RIMBP2: variants seen among roughly 807,000 people sequenced by gnomAD.
RIMBP2 encodes RIMS-binding protein 2.
Under a neutral mutation model 118.6 loss-of-function variants are expected in RIMBP2, and 48 were observed. The observed-to-expected ratio is 0.40, with a 90% CI of 0.32 to 0.51. RIMBP2 has a LOEUF of 0.51. Ranked by LOEUF, RIMBP2 falls within the 20% of genes least tolerant of loss-of-function variation. The pLI is 0.41. For synonymous variants in RIMBP2, 762 were observed against 742.9 expected, an observed-to-expected ratio of 1.03 and a Z score of -0.42; for missense variants, 1,551 against 1,768.3, an observed-to-expected ratio of 0.88 and a Z score of 2.20.
chr12:130,560,675 C>T (rs1487412131), intron 2 of RIMBP2, among the ~76,000 whole-genome samples: 1 of 152,234 alleles, frequency 6.6e-6, no homozygotes, highest in Non-Finnish European at 1.5e-5. Flanking sequence ...AGAGCAGCTC[C>T]TCAATCGCAT....
At position 130,422,643 on chromosome 12, in the gene RIMBP2, G is replaced by A; in HGVS notation, c.3130-82C>T. On this transcript the variant is annotated intron_variant, in intron 16 of 22. Transcript: ENST00000690449. The surrounding 1 kb of genome is among the most constrained non-coding windows in gnomAD (Gnocchi z 5.2). ...TTCAGTTAGCCAAATCAAGCGGGTT[G>A]AAAAGCAGAATCTGTAAAGGCAACT... The A allele has an allele frequency of 1.0e-6, 1 of 990,008 alleles. No homozygotes were observed. Among genetic ancestry groups the A allele is most frequent in the Non-Finnish European group, 1.5e-6 (1 of 650,652 alleles). 61.3% of individuals were successfully genotyped at this position (990,008 alleles called of 1,614,324 possible).
intron 2 of RIMBP2, among the ~76,000 whole-genome samples, chr12:130,580,123 G>A (rs963867031): frequency 1.1e-4 from 16 of 151,128 alleles, no homozygotes; most frequent in African/African-American, 3.4e-4. Context: ...ACTTGAACCC[G>A]GGAGACAGAG....
chr12:130,663,727 C>T (rs1274491459), intron 1 of RIMBP2, among the ~76,000 whole-genome samples: 2 of 151,746 alleles, frequency 1.3e-5, no homozygotes, highest in Non-Finnish European at 2.9e-5. Context: ...CGGAACTTCC[C>T]GCTGGGTACT....
chr12:130,402,424 C>G (rs1334293689), intron 21 of RIMBP2, among the ~76,000 whole-genome samples: 1 of 152,144 alleles, frequency 6.6e-6, no homozygotes, highest in African/African-American at 2.4e-5. Context: ...CTGCCTTCCC[C>G]TGGTACTGAC....
chr12:130,557,659 C>T (rs1388202925), intron 2 of RIMBP2, among the ~76,000 whole-genome samples: 2 of 152,180 alleles, frequency 1.3e-5, no homozygotes, highest in Admixed American at 6.5e-5. Context: ...TTGAAGCCAC[C>T]GAGTTGCTGT....
intron 6 of RIMBP2, among the ~76,000 whole-genome samples, chr12:130,460,368 G>A (rs758981401): frequency 1.3e-5 from 2 of 152,166 alleles, no homozygotes; most frequent in East Asian, 3.9e-4. Flanking sequence ...TGGTATTGAT[G>A]AGCAGTACTA....
rs2097266017 is a variant in RIMBP2, at chr12:130,623,631, C to A, written c.-217+4691G>T. Among the ~76,000 whole-genome samples, 1 of 152,188 alleles carries A rather than the reference C, an allele frequency of 6.6e-6. No homozygotes were observed. Among genetic ancestry groups the A allele is most frequent in the Non-Finnish European group, 1.5e-5 (1 of 68,034 alleles). On this transcript the variant is annotated intron_variant, in intron 2 of 22. Coordinates refer to ENST00000690449, the MANE Select transcript of RIMBP2 (RefSeq NM_001393629.1). This position sits in a 1 kb window ranked among gnomAD's most constrained non-coding sequence, Gnocchi z 4.1. Reference sequence around the variant, plus strand: ...GTGGGCATAAGCTGCCTCCCATAACCTCTTAGCGCTCAACTCCATGCACAC... The same window carrying A: ...GTGGGCATAAGCTGCCTCCCATAACATCTTAGCGCTCAACTCCATGCACAC...
intron 11 of RIMBP2, among the ~76,000 whole-genome samples, chr12:130,439,062 A>G (rs1228471423): frequency 6.6e-6 from 1 of 151,794 alleles, no homozygotes; most frequent in Non-Finnish European, 1.5e-5. Flanking sequence ...ACCCCATGAA[A>G]CTGAGCAAAA....
chr12:130,437,037 C>T lies in RIMBP2; in HGVS notation c.1911G>A (p.Arg637=). ...GGCTCTGCTCCCAGGCCTCATCCAT[C>T]CTGGCGTGGGGACCCAGGTGCTCGT... ...TKDEHLGPHA[R]MDEAWEQSRA... The change falls in exon 13 of 23, where the codon AGG becomes AGA. Residue 637 remains arginine, a synonymous_variant. Transcript: ENST00000690449. 1 of 1,580,610 alleles carries T rather than the reference C, an allele frequency of 6.3e-7. No individual in the cohort carries two copies. Among genetic ancestry groups the T allele is most frequent in the Non-Finnish European group, 8.6e-7 (1 of 1,160,890 alleles).
rs1344003075 is a variant in RIMBP2 at position 130,691,701 on chromosome 12, G to T, written c.-352+24521C>A. Among the ~76,000 whole-genome samples, 4 of 152,298 alleles carry T rather than the reference G, an allele frequency of 2.6e-5. No individual in the cohort carries two copies. In the South Asian group the frequency reaches 8.3e-4, roughly 32 times the overall value. On this transcript the variant is annotated intron_variant, in intron 1 of 22. Transcript: ENST00000690449. ...AAAGAAGAAGCGGGTACCACAGGGAGCCCCACCCAGCTCTTGGGGGAGAAA... is the reference window on the plus strand; with the variant it reads ...AAAGAAGAAGCGGGTACCACAGGGATCCCCACCCAGCTCTTGGGGGAGAAA...
At chr12:130,548,816 A>G (rs1464176659) in intron 2 of RIMBP2, among the ~76,000 whole-genome samples, 2 of 151,434 alleles carry the variant, frequency 1.3e-5, no homozygotes, top group East Asian at 3.9e-4. Flanking sequence ...CCATGGTCCC[A>G]TGGGGTCCCC....
rs772559491 is a variant in RIMBP2 at position 130,406,224 on chromosome 12, G to A, written c.3713C>T (p.Thr1238Ile). Residue 1238 changes from threonine (T) to isoleucine (I), a missense_variant, in exon 21 of 23, where the codon ACA becomes ATA. Coordinates refer to ENST00000690449, the MANE Select transcript of RIMBP2 (RefSeq NM_001393629.1). ...ACCAAAAACTGTAATAATATCTCCTGTGCAAAATGTAAGTTCGGCCTGTGG... is the reference window on the plus strand; with the variant it reads ...ACCAAAAACTGTAATAATATCTCCTATGCAAAATGTAAGTTCGGCCTGTGG... The part of the protein sequence containing the change: ...VDVEAELTFC[T>I]GDIITVFGEI... 2 of 1,603,546 alleles carry A rather than the reference G, an allele frequency of 1.2e-6. No individual in the cohort carries two copies. Among genetic ancestry groups the A allele is most frequent in the Non-Finnish European group, 1.7e-6 (2 of 1,172,610 alleles).
chr12:130,496,510 A>G (rs1231143127), intron 4 of RIMBP2, among the ~76,000 whole-genome samples: 1 of 152,104 alleles, frequency 6.6e-6, no homozygotes, highest in Non-Finnish European at 1.5e-5. Flanking sequence ...TCTGGGGTAG[A>G]GGAGGCTGCG....
intron 15 of RIMBP2, chr12:130,425,097 C>T (rs1282522413): frequency 1.6e-5 from 6 of 374,856 alleles, no homozygotes; most frequent in Non-Finnish European, 2.4e-5. Flanking sequence ...GCCAGCGGGC[C>T]GGGCAGGAGC....
intron 1 of RIMBP2, among the ~76,000 whole-genome samples, chr12:130,663,180 G>T (rs907010341): frequency 1.3e-5 from 2 of 152,142 alleles, no homozygotes; most frequent in Admixed American, 6.5e-5. Context: ...GGAGGGCTGG[G>T]ATGACTGATG....
rs902345318 is a variant in RIMBP2 at position 130,424,973 on chromosome 12, G to A, written c.2413-115C>T. 23 of 546,236 alleles carry A rather than the reference G, an allele frequency of 4.2e-5. No homozygotes were observed. The highest frequency in any genetic ancestry group is 1.0e-4 in the South Asian group (1 of 10,034). The allele number at this position is 546,236 out of a possible 1,614,324, so 33.8% of individuals were successfully genotyped here. On this transcript the variant is annotated intron_variant, in intron 15 of 22. Coordinates refer to ENST00000690449, the MANE Select transcript of RIMBP2 (RefSeq NM_001393629.1). The surrounding 1 kb of genome is among the most constrained non-coding windows in gnomAD (Gnocchi z 9.8). ...GAATTAGTCCTGGAGGCACCGAGGG[G>A]GGGGAAGCATGCGTCTACTCAGGCC...
At chr12:130,438,648 G>A (rs968330071) in intron 11 of RIMBP2, 132 bp from the exon 12 acceptor site, 7 of 400,350 alleles carry the variant, frequency 1.7e-5, no homozygotes, top group Non-Finnish European at 3.1e-5. Flanking sequence ...AGAAGACAGT[G>A]TTGAAAGCAC....
At chr12:130,615,096 A>G (rs2060817774) in intron 2 of RIMBP2, among the ~76,000 whole-genome samples, 1 of 147,512 alleles carries the variant, frequency 6.8e-6, no homozygotes, top group Admixed American at 6.8e-5. Context: ...ATGTGTATAT[A>G]TGTGTATTAT....
chr12:130,478,728 C>T (rs2081663410), intron 5 of RIMBP2, among the ~76,000 whole-genome samples, 184 bp downstream of exon 5: 1 of 152,190 alleles, frequency 6.6e-6, no homozygotes. Context: ...AACATGAACA[C>T]AGGTCTACTT....
Sources: allele counts gnomAD v4.1 joint callset (sites outside exome capture counted in the v4.1 genomes callset), GRCh38; gene constraint gnomAD v4.1.1; non-coding constraint Gnocchi (gnomAD v3.1); transcripts MANE v1.5; gene names NCBI Gene and HGNC (gene_info 2026-07-23, HGNC 2026-07-21).